PTPRT: variants seen among roughly 807,000 people sequenced by gnomAD.
PTPRT encodes the protein protein tyrosine phosphatase receptor type T.
Under a neutral mutation model 176.8 loss-of-function variants are expected in PTPRT, and 56 were observed. The ratio of observed to expected loss-of-function variants is 0.32; its 90% CI spans 0.26 to 0.40. The LOEUF (loss-of-function observed/expected upper bound fraction) is 0.40, where lower values mean the gene tolerates loss of function less well. PTPRT is among the 10% of genes least tolerant of loss of function. The pLI is 1.00. For synonymous variants in PTPRT, 783 were observed against 739.0 expected (o/e 1.06, Z -0.96); for missense variants, 1,540 against 1,908.2 (o/e 0.81, Z 3.60).
chr20:43,122,267 C>T (rs921810090), intron 1 of PTPRT, among the ~76,000 whole-genome samples: 2 of 152,186 alleles, frequency 1.3e-5, no homozygotes, highest in African/African-American at 4.8e-5. Context: ...CAGTCCAGTG[C>T]CTGGCAGGTA....
intron 1 of PTPRT, among the ~76,000 whole-genome samples, chr20:42,965,736 A>C (rs1320045369): frequency 6.6e-6 from 1 of 152,218 alleles, no homozygotes; most frequent in East Asian, 1.9e-4. Flanking sequence ...GAAAAACTTA[A>C]CATGGCACTG....
chr20:42,609,075 TTTTTC>T (rs1483457874), intron 7 of PTPRT, among the ~76,000 whole-genome samples: 6 of 152,040 alleles, frequency 3.9e-5, no homozygotes, highest in African/African-American at 1.5e-4. Flanking sequence ...CCAACACTTT[TTTTTC>T]TTTTCATTTT....
chr20:42,614,551 T>C (rs1348535532), intron 7 of PTPRT, among the ~76,000 whole-genome samples: 1 of 151,888 alleles, frequency 6.6e-6, no homozygotes, highest in East Asian at 1.9e-4. Context: ...CACCCCCTTC[T>C]ATTCCCCACT....
chr20:42,662,899 T>C (rs1187941392), intron 7 of PTPRT, among the ~76,000 whole-genome samples: 1 of 152,142 alleles, frequency 6.6e-6, no homozygotes, highest in East Asian at 1.9e-4. Flanking sequence ...CACATTTGAC[T>C]CCAATGGGTA....
chr20:43,015,065 T>G (rs543841037), intron 1 of PTPRT, among the ~76,000 whole-genome samples: 2 of 152,360 alleles, frequency 1.3e-5, no homozygotes, highest in South Asian at 2.1e-4. Context: ...ATGCCCTGTA[T>G]AAACTTTCCT....
intron 2 of PTPRT, among the ~76,000 whole-genome samples, chr20:42,798,877 T>A (rs2077489743): frequency 6.6e-6 from 1 of 151,880 alleles, no homozygotes; most frequent in Non-Finnish European, 1.5e-5. Flanking sequence ...GTGATTGGAT[T>A]TGAAGGCGCA....
intron 7 of PTPRT, among the ~76,000 whole-genome samples, chr20:42,517,392 CTCTT>C (rs1228282588): frequency 6.6e-6 from 1 of 151,828 alleles, no homozygotes; most frequent in African/African-American, 2.4e-5. Flanking sequence ...TGTACCTTCT[CTCTT>C]TTTTTCATTT....
At chr20:43,082,878 A>G (rs760961808) in intron 1 of PTPRT, among the ~76,000 whole-genome samples, 1 of 152,166 alleles carries the variant, frequency 6.6e-6, no homozygotes, top group Non-Finnish European at 1.5e-5. Context: ...CACCTGGACA[A>G]TGAGATGCCA....
chr20:42,116,260 T>G (rs1987277477), intron 21 of PTPRT, among the ~76,000 whole-genome samples: 2 of 152,224 alleles, frequency 1.3e-5, no homozygotes, highest in African/African-American at 4.8e-5. Flanking sequence ...TTTTGTGTTT[T>G]GCGACTCTCC....
intron 9 of PTPRT, among the ~76,000 whole-genome samples, chr20:42,419,308 G>C (rs1208368808): frequency 6.6e-6 from 1 of 152,204 alleles, no homozygotes; most frequent in African/African-American, 2.4e-5. Context: ...CACACAATTT[G>C]CACGAGCATG....
intron 15 of PTPRT, among the ~76,000 whole-genome samples, chr20:42,210,833 G>A (rs75947380): frequency 0.11 from 17,204 of 152,014 alleles, 1,019 homozygotes; most frequent in South Asian, 0.17. Context: ...AGCCCACATC[G>A]CCAAGTCAAT....
At chr20:42,598,940 A>G (rs1470097161) in intron 7 of PTPRT, among the ~76,000 whole-genome samples, 1 of 152,214 alleles carries the variant, frequency 6.6e-6, no homozygotes, top group Non-Finnish European at 1.5e-5. Context: ...CGAATGAAGA[A>G]GATACTGGCA....
chr20:43,023,503 A>G (rs1421601567), intron 1 of PTPRT, among the ~76,000 whole-genome samples: 1 of 152,186 alleles, frequency 6.6e-6, no homozygotes, highest in East Asian at 1.9e-4. Flanking sequence ...AAGCCTGCAG[A>G]AAGTCCATGT....
chr20:42,611,660 C>A (rs145030519), intron 7 of PTPRT, among the ~76,000 whole-genome samples: 2 of 152,214 alleles, frequency 1.3e-5, no homozygotes, highest in African/African-American at 4.8e-5. Context: ...TCAGGAATGA[C>A]AGCGACTGAA....
chr20:42,485,146 T>C (rs1034163009), intron 7 of PTPRT, among the ~76,000 whole-genome samples: 3 of 152,128 alleles, frequency 2.0e-5, no homozygotes, highest in Admixed American at 2.0e-4. Flanking sequence ...GGAAATCGGG[T>C]TGGGAAAAGA....
chr20:42,285,096 T>A (rs1051699778), intron 12 of PTPRT, among the ~76,000 whole-genome samples: 3 of 152,068 alleles, frequency 2.0e-5, no homozygotes, highest in Non-Finnish European at 4.4e-5. Flanking sequence ...TCATTTCTGT[T>A]TTCATGTTTG....
intron 12 of PTPRT, among the ~76,000 whole-genome samples, chr20:42,315,429 A>G (rs62208718): frequency 0.31 from 47,675 of 151,958 alleles, 7,839 homozygotes; most frequent in Middle Eastern, 0.37. Flanking sequence ...TTAATACAGG[A>G]GTGTGCAAAG....
chr20:42,170,157 T>G (rs1328808888), intron 16 of PTPRT, among the ~76,000 whole-genome samples: 2 of 152,156 alleles, frequency 1.3e-5, no homozygotes, highest in Non-Finnish European at 2.9e-5. Flanking sequence ...GTTGCCCTCA[T>G]GCCAAGATAA....
At chr20:42,496,026 A>G (rs2071647537) in intron 7 of PTPRT, among the ~76,000 whole-genome samples, 1 of 152,184 alleles carries the variant, frequency 6.6e-6, no homozygotes, top group South Asian at 2.1e-4. Flanking sequence ...TATACATTGT[A>G]TTCTTACAAT....
Sources: gnomAD v4.1 joint callset for allele counts (sites outside exome capture counted in the v4.1 genomes callset) on GRCh38, gnomAD v4.1.1 for gene constraint, MANE v1.5 for transcripts, NCBI Gene and HGNC (gene_info 2026-07-23, HGNC 2026-07-21) for gene names.